The following ADAM7 variants were observed in gnomAD, a reference collection of about 807,000 sequenced individuals.
ADAM7 encodes the protein disintegrin and metalloproteinase domain-containing protein 7.
In ADAM7, 97 loss-of-function variants were observed where a neutral mutation model predicts 102.9. The ratio of observed to expected loss-of-function variants is 0.94; its 90% confidence interval spans 0.80 to 1.12. ADAM7 has a LOEUF of 1.12. ADAM7 is among the 50% of genes most tolerant of loss of function. ADAM7 has a pLI of 0.00. For missense variants in ADAM7, 991 were observed against 908.7 expected, an observed-to-expected ratio of 1.09 and a Z score of -1.16; for synonymous variants, 334 against 304.4, an observed-to-expected ratio of 1.10 and a Z score of -1.01.
At chr8:24,504,721 C>G (rs576027500) in intron 20 of ADAM7, among the ~76,000 whole-genome samples, 1 of 152,118 alleles carries the variant, frequency 6.6e-6, no homozygotes, top group African/African-American at 2.4e-5. Context: ...TGCCATAAGC[C>G]TTGTGATTTT....
At chr8:24,505,402 T>C (rs1430570383) in intron 20 of ADAM7, among the ~76,000 whole-genome samples, 1 of 152,190 alleles carries the variant, frequency 6.6e-6, no homozygotes, top group Admixed American at 6.6e-5. Context: ...CAATTTACTG[T>C]TGATGGTATA....
chr8:24,450,974 C>T (rs1818762323), intron 3 of ADAM7, among the ~76,000 whole-genome samples: 1 of 152,044 alleles, frequency 6.6e-6, no homozygotes, highest in African/African-American at 2.4e-5. Flanking sequence ...GTATATTGAA[C>T]CAGCCTTGCA....
intron 13 of ADAM7, 93 bp from the exon 14 acceptor site, chr8:24,491,810 T>C: frequency 9.0e-7 from 1 of 1,115,426 alleles, no homozygotes; most frequent in Non-Finnish European, 1.2e-6. Context: ...CTTAAAACCT[T>C]TTTTGGATGA....
chr8:24,455,959 AT>A (rs530364710), intron 3 of ADAM7, among the ~76,000 whole-genome samples: 96 of 146,800 alleles, frequency 6.5e-4, no homozygotes, highest in African/African-American at 5.2e-4. Context: ...TCAACTACTT[AT>A]TTTTTTTTTT....
At chr8:24,476,065 T>C (rs1466122738) in intron 7 of ADAM7, 1 of 422,152 alleles carries the variant, frequency 2.4e-6, no homozygotes, top group South Asian at 1.7e-5. Context: ...CTTCGCCATA[T>C]AGATTGCTTT....
intron 14 of ADAM7, 38 bp downstream of exon 14, chr8:24,492,136 T>C: frequency 6.3e-7 from 1 of 1,576,512 alleles, no homozygotes; most frequent in Non-Finnish European, 8.6e-7. Flanking sequence ...ACACAGATGG[T>C]GGCCTCTATT....
intron 4 of ADAM7, 23 bp downstream of exon 4, chr8:24,463,983 G>C (rs137964591): frequency 6.3e-7 from 1 of 1,587,666 alleles, no homozygotes; most frequent in African/African-American, 1.3e-5. Context: ...ACTTTACTGT[G>C]TCTCTTCTCT....
chr8:24,460,722 C>CAT (rs1819209391), intron 3 of ADAM7, among the ~76,000 whole-genome samples: 1 of 147,216 alleles, frequency 6.8e-6, no homozygotes, highest in African/African-American at 2.5e-5. Flanking sequence ...TACATATACA[C>CAT]ATATATATGT....
At chr8:24,470,702 G>A (rs1819575883) in intron 7 of ADAM7, among the ~76,000 whole-genome samples, 1 of 152,080 alleles carries the variant, frequency 6.6e-6, no homozygotes, top group African/African-American at 2.4e-5. Flanking sequence ...TGGTGATGCT[G>A]GTGTAAACAA....
At chr8:24,463,521 T>C (rs1354206265) in intron 3 of ADAM7, among the ~76,000 whole-genome samples, 3 of 152,142 alleles carry the variant, frequency 2.0e-5, no homozygotes, top group Non-Finnish European at 4.4e-5. Context: ...TCGCCACATA[T>C]ATCTTATGAT....
chr8:24,492,226 C>A, intron 14 of ADAM7, 128 bp downstream of exon 14: 2 of 955,336 alleles, frequency 2.1e-6, no homozygotes, highest in Non-Finnish European at 3.1e-6. Context: ...TATTGCTTAG[C>A]ATTTCTCTGG....
chr8:24,478,350 C>T (rs1819839031), intron 8 of ADAM7, among the ~76,000 whole-genome samples: 1 of 152,134 alleles, frequency 6.6e-6, no homozygotes, highest in Non-Finnish European at 1.5e-5. Flanking sequence ...TTTGGGCCAG[C>T]AGGAGAAATG....
intron 20 of ADAM7, among the ~76,000 whole-genome samples, chr8:24,505,229 G>A (rs534993345): frequency 6.6e-6 from 1 of 152,094 alleles, no homozygotes; most frequent in African/African-American, 2.4e-5. Context: ...AGTCAGGAAA[G>A]GTAGGCTGAG....
Position 24,475,637 on chromosome 8 carries a change from G to A in ADAM7, c.634-796G>A, listed in dbSNP as rs75520409. ...GAGATTCTAATGCTATATCTTAGCA[G>A]TATTTTGATCTTTAAGGTAACAGGA... On this transcript the variant is annotated intron_variant, in intron 7 of 21. Transcript: ENST00000175238. 3.3e-5 allele frequency among the ~76,000 whole-genome samples: 5 copies of A among 152,172 alleles called. No homozygotes were observed. The East Asian group carries it at 9.7e-4, about 29-fold the overall frequency.
At chr8:24,483,854 C>T (rs1044782194) in intron 9 of ADAM7, among the ~76,000 whole-genome samples, 2 of 152,156 alleles carry the variant, frequency 1.3e-5, no homozygotes, top group African/African-American at 4.8e-5. Context: ...AAACTTTTAA[C>T]TACTTTAGAA....
chr8:24,496,494 C>A (rs1820558392), intron 16 of ADAM7, among the ~76,000 whole-genome samples: 1 of 152,190 alleles, frequency 6.6e-6, no homozygotes, highest in Non-Finnish European at 1.5e-5. Flanking sequence ...GGAAAAGCTG[C>A]AAACACTCAA....
At chr8:24,500,282 C>A (rs1017576757) in intron 18 of ADAM7, 26 bp downstream of exon 18, 2 of 1,589,774 alleles carry the variant, frequency 1.3e-6, no homozygotes. Flanking sequence ...CAAAATCTTT[C>A]ATATATCAAA....
chr8:24,494,956 T>C (rs1386020066), intron 16 of ADAM7, among the ~76,000 whole-genome samples: 3 of 152,154 alleles, frequency 2.0e-5, no homozygotes, highest in Admixed American at 1.3e-4. Flanking sequence ...AGACTTCCAT[T>C]TTCTTCCAGC....
chr8:24,451,485 C>A (rs551766581), intron 3 of ADAM7, among the ~76,000 whole-genome samples: 2 of 152,228 alleles, frequency 1.3e-5, no homozygotes, highest in Middle Eastern at 3.4e-3. Context: ...TCTTTGGGAT[C>A]GGTGGTGATA....
Sources: allele counts gnomAD v4.1 joint callset (sites outside exome capture counted in the v4.1 genomes callset), GRCh38; gene constraint gnomAD v4.1.1; transcripts MANE v1.5; gene names NCBI Gene and HGNC (gene_info 2026-07-23, HGNC 2026-07-21).